Variants in SLU7 observed in about 807,000 individuals in gnomAD.
SLU7 encodes spliceosome associated SLU7, also known as pre-mRNA-splicing factor SLU7.
In SLU7, 60 loss-of-function variants were observed where a neutral mutation model predicts 87.0. That is an observed-to-expected ratio of 0.69 (90% confidence interval 0.56 to 0.86). SLU7 has a LOEUF of 0.86. SLU7 is among the 40% of genes least tolerant of loss of function. The probability of loss-of-function intolerance (pLI) is 0.00; values close to 1 mark genes in which losing one functional copy is unlikely to be tolerated. For synonymous variants in SLU7, 197 were observed against 222.0 expected (o/e 0.89, Z 1.00); for missense variants, 507 against 686.6 (o/e 0.74, Z 2.92).
At chr5:160,408,855 AAATAT>A (rs1363958443) in intron 6 of SLU7, among the ~76,000 whole-genome samples, 158 bp from the exon 7 acceptor site, 2 of 75,124 alleles carry the variant, frequency 2.7e-5, no homozygotes, top group African/African-American at 8.4e-5. Flanking sequence ...TATATATAAT[AAATAT>A]TTATTATATA....
At chr5:160,408,822 TTTA>T (rs1278318635) in intron 6 of SLU7, 125 bp from the exon 7 acceptor site, 2 of 175,456 alleles carry the variant, frequency 1.1e-5, no homozygotes, top group African/African-American at 2.5e-5. Flanking sequence ...TAAAATATAT[TTTA>T]TTATATATTA....
At chr5:160,406,336 G>T in intron 12 of SLU7, 132 bp downstream of exon 12, 1 of 696,734 alleles carries the variant, frequency 1.4e-6, no homozygotes, top group Non-Finnish European at 2.1e-6. Context: ...AAAATTCCAT[G>T]AAACAGTTAA....
Position 160,403,283 on chromosome 5 carries a change from TG to T in SLU7, c.*1del, listed in dbSNP as rs1561551957. 2.2e-5 allele frequency: 35 copies of T among 1,589,420 alleles called. 1 individual carries two copies. The highest frequency in any genetic ancestry group is 3.0e-5 in the Non-Finnish European group (35 of 1,168,830). ...TATCTTGGATGGTCTTCTGACTAGTTGCTACTGTCCAAGGAAAGAGGCCATG... is the reference window on the plus strand; with the variant it reads ...TATCTTGGATGGTCTTCTGACTAGTTCTACTGTCCAAGGAAAGAGGCCATG... On this transcript the variant is annotated 3_prime_UTR_variant, in exon 16 of 16. Coordinates refer to ENST00000297151, the MANE Select transcript of SLU7 (RefSeq NM_006425.5).
rs1054550936 is a variant in SLU7 at position 160,407,035 on chromosome 5, G to A, written c.1126-406C>T. Among the ~76,000 whole-genome samples, 1 of 152,186 alleles carries A rather than the reference G, an allele frequency of 6.6e-6. No homozygotes were observed. Among genetic ancestry groups the A allele is most frequent in the South Asian group, 2.1e-4 (1 of 4,834 alleles). ...ACTTATGTACCACAGCACACTTTTT[G>A]CTGCCACTCTCTAGAACTCTGAGAA... On this transcript the variant is annotated intron_variant, in intron 11 of 15. Coordinates refer to ENST00000297151, the MANE Select transcript of SLU7 (RefSeq NM_006425.5). This position sits in a 1 kb window ranked among gnomAD's most constrained non-coding sequence, Gnocchi z 4.2.
At chr5:160,406,347 A>AT (rs1334639413) in intron 12 of SLU7, 121 bp downstream of exon 12, 109 of 750,652 alleles carry the variant, frequency 1.5e-4, no homozygotes, top group Non-Finnish European at 1.8e-4. Context: ...AAACAGTTAA[A>AT]ATTTTTTTTT....
intron 1 of SLU7, chr5:160,417,049 A>T (rs1765486089): frequency 6.6e-6 from 1 of 152,194 alleles, no homozygotes; most frequent in Non-Finnish European, 1.5e-5. Context: ...TGTGAGAGGT[A>T]CCTTTCACCA....
Position 160,413,936 on chromosome 5 carries a change from C to T in SLU7, c.368G>A (p.Cys123Tyr). The change falls in exon 4 of 16, where the codon TGT becomes TAT. Residue 123 changes from cysteine (C) to tyrosine (Y), a missense_variant. Transcript: ENST00000297151. ...TKYRKGACEN[C>Y]GAMTHKKKDC... ...TTTCTTTTTGTGTGTCATGGCCCCACAATTTTCACATGCTCCTTTGCGGTA... is the reference window on the plus strand; with the variant it reads ...TTTCTTTTTGTGTGTCATGGCCCCATAATTTTCACATGCTCCTTTGCGGTA... The T allele has an allele frequency of 6.2e-7, 1 of 1,601,920 alleles. No homozygotes were observed. The highest frequency in any genetic ancestry group is 8.5e-7 in the Non-Finnish European group (1 of 1,175,442).
At chr5:160,418,266 T>C (rs1440928977) in intron 1 of SLU7, among the ~76,000 whole-genome samples, 1 of 152,206 alleles carries the variant, frequency 6.6e-6, no homozygotes, top group Non-Finnish European at 1.5e-5. Context: ...GCCCAGTAGA[T>C]AGGTCTGATG....
chr5:160,412,277 T>G (rs149346838), intron 6 of SLU7, among the ~76,000 whole-genome samples, 174 bp downstream of exon 6: 391 of 152,322 alleles, frequency 2.6e-3, no homozygotes, highest in African/African-American at 9.0e-3. Context: ...GTTCCCAAAC[T>G]GACTGCATCA....
intron 2 of SLU7, 107 bp from the exon 3 acceptor site, chr5:160,414,579 A>G: frequency 1.6e-6 from 1 of 612,054 alleles, no homozygotes. Context: ...GAAATATTGC[A>G]GTGGTAGGGG....
chr5:160,412,649 A>G lies in SLU7; in HGVS notation c.571-130T>C, dbSNP rs1278302304. 10 of 621,298 alleles carry G rather than the reference A, an allele frequency of 1.6e-5. No homozygotes were observed. In the African/African-American group the frequency reaches 1.9e-4, roughly 12 times the overall value. 38.5% of individuals were successfully genotyped at this position (621,298 alleles called of 1,614,324 possible). A position where few individuals can be genotyped will look rare whatever the true frequency, so the allele number is the denominator to read the frequency against. ...ACTTTAAATTAATTTATTTCAGAAA[A>G]GGTCACTGAACAAACCTATCTCTTT... On this transcript the variant is annotated intron_variant, in intron 5 of 15. Coordinates refer to ENST00000297151, the MANE Select transcript of SLU7 (RefSeq NM_006425.5).
At position 160,408,732 on chromosome 5, in the gene SLU7, T is replaced by C. The variant is rs200488806; in HGVS notation, c.640-35A>G. On this transcript the variant is annotated intron_variant, in intron 6 of 15. Coordinates refer to ENST00000297151, the MANE Select transcript of SLU7 (RefSeq NM_006425.5). ...GAAAGAAGAAAAATCATTCATAATC[T>C]CATTCCACTTAATCCAATTAACTTT... is the stretch of plus-strand genomic sequence containing the variant. The C allele has an allele frequency of 8.0e-5, 93 of 1,168,432 alleles. 2 individuals are homozygous for C. In the Middle Eastern group the frequency reaches 2.6e-3, roughly 33 times the overall value. The allele number at this position is 1,168,432 out of a possible 1,614,324, so 72.4% of individuals were successfully genotyped here. A position where few individuals can be genotyped will look rare whatever the true frequency, so the allele number is the denominator to read the frequency against.
chr5:160,403,627 A>C (rs1429637851), intron 15 of SLU7, among the ~76,000 whole-genome samples, 163 bp from the exon 16 acceptor site: 1 of 152,248 alleles, frequency 6.6e-6, no homozygotes, highest in Non-Finnish European at 1.5e-5. Flanking sequence ...TCAAGCTACA[A>C]CTAATCACTA....
chr5:160,415,422 A>C lies in SLU7; in HGVS notation c.-16-112T>G. 5.4e-6 allele frequency: 4 copies of C among 743,924 alleles called. No individual in the cohort carries two copies. In the South Asian group the frequency reaches 9.8e-5, roughly 18 times the overall value. 46.1% of individuals were successfully genotyped at this position (743,924 alleles called of 1,614,324 possible). A position where few individuals can be genotyped will look rare whatever the true frequency, so the allele number is the denominator to read the frequency against. ...TGTTTCATATGTTTTTTTTTCTCCT[A>C]TATTATGTGTAAGGAAGGGTCTCTT... On this transcript the variant is annotated intron_variant, in intron 1 of 15. Transcript: ENST00000297151.
At chr5:160,412,348 C>G in intron 6 of SLU7, 103 bp downstream of exon 6, 1 of 732,012 alleles carries the variant, frequency 1.4e-6, no homozygotes. Context: ...AATAGCATTT[C>G]TCTCTTCCTA....
Position 160,407,689 on chromosome 5 carries a change from A to C in SLU7, c.985+57T>G. The C allele has an allele frequency of 1.2e-6, 2 of 1,602,346 alleles. No homozygotes were observed. The highest frequency in any genetic ancestry group is 1.1e-5 in the South Asian group (1 of 88,918). On this transcript the variant is annotated intron_variant, in intron 10 of 15. Coordinates refer to ENST00000297151, the MANE Select transcript of SLU7 (RefSeq NM_006425.5). This position sits in a 1 kb window ranked among gnomAD's most constrained non-coding sequence, Gnocchi z 4.2. ...TGCTTCTTGAAAACAAGCTTTAAAC[A>C]ATCCCAAACGTCTTATGAGCTGATA...
intron 15 of SLU7, 85 bp from the exon 16 acceptor site, chr5:160,403,549 C>T (rs1764876554): frequency 8.2e-7 from 1 of 1,215,746 alleles, no homozygotes; most frequent in African/African-American, 1.5e-5. Context: ...ACACACCCCA[C>T]TGAATATGAA....
intron 3 of SLU7, 163 bp downstream of exon 3, chr5:160,414,156 T>C (rs973833629): frequency 1.1e-5 from 8 of 711,380 alleles, no homozygotes; most frequent in South Asian, 7.6e-5. Flanking sequence ...GTAAAATTTA[T>C]ATAAGAAACA....
At position 160,412,529 on chromosome 5, in the gene SLU7, A is replaced by AAG; in HGVS notation, c.571-11_571-10insCT. The AAG allele has an allele frequency of 7.3e-7, 1 of 1,363,370 alleles. No homozygotes were observed. Among genetic ancestry groups the AAG allele is most frequent in the Non-Finnish European group, 1.0e-6 (1 of 1,004,294 alleles). 84.5% of individuals were successfully genotyped at this position (1,363,370 alleles called of 1,614,324 possible). On this transcript the variant is annotated splice_polypyrimidine_tract_variant and intron_variant, in intron 5 of 15. Transcript: ENST00000297151. ...TCAATGTTCGTTTTGCCTTTAAAAA[A>AAG]AAAAAAAAGAAAGAAAGAAAGAAAA...
Sources: gnomAD v4.1 joint callset for allele counts (sites outside exome capture counted in the v4.1 genomes callset) on GRCh38, gnomAD v4.1.1 for gene constraint, Gnocchi (gnomAD v3.1) non-coding constraint, MANE v1.5 for transcripts, NCBI Gene and HGNC (gene_info 2026-07-23, HGNC 2026-07-21) for gene names.